Variants in MBNL3 observed in about 807,000 individuals in gnomAD.
The protein encoded by MBNL3 is muscleblind like splicing regulator 3.
Under a neutral mutation model 24.5 loss-of-function variants are expected in MBNL3, and 6 were observed. The ratio of observed to expected loss-of-function variants is 0.25; its 90% CI spans 0.13 to 0.48. The LOEUF (loss-of-function observed/expected upper bound fraction) is 0.48, where lower values mean the gene tolerates loss of function less well. Among genes scored for constraint, MBNL3 ranks in the 20% least tolerant of loss-of-function variants. The probability of loss-of-function intolerance (pLI) is 0.99; values close to 1 mark genes in which losing one functional copy is unlikely to be tolerated. For missense variants in MBNL3, 230 were observed against 293.5 expected (o/e 0.78, Z 1.58); for synonymous variants, 100 against 101.7 (o/e 0.98, Z 0.10).
In MBNL3 at chrX:132,406,213, A is replaced by G. The variant is rs372010239; in HGVS notation, c.342+15T>C. ...GATCTTTATCGGCAATTTTCAAAATATAGCTGCGACTTACAAGTGATGACA... is the reference window on the plus strand; with the variant it reads ...GATCTTTATCGGCAATTTTCAAAATGTAGCTGCGACTTACAAGTGATGACA... On this transcript the variant is annotated intron_variant, in intron 3 of 8. Coordinates refer to ENST00000370853, the MANE Select transcript of MBNL3 (RefSeq NM_001386889.1). The G allele has an allele frequency of 6.6e-6, 8 of 1,208,912 alleles. No individual in the cohort carries two copies. In the African/African-American group the frequency reaches 1.4e-4, roughly 21 times the overall value.
intron 1 of MBNL3, among the ~76,000 whole-genome samples, chrX:132,468,295 C>T: frequency 8.9e-6 from 1 of 112,218 alleles, no homozygotes; most frequent in Middle Eastern, 4.6e-3. Flanking sequence ...CATTATAAAA[C>T]TCTGTGACCA....
intron 1 of MBNL3, among the ~76,000 whole-genome samples, chrX:132,455,575 T>C (rs1946329699): frequency 8.9e-6 from 1 of 111,843 alleles, no homozygotes; most frequent in Non-Finnish European, 1.9e-5. Flanking sequence ...TTGGACAAAA[T>C]ACCTAAAATT....
intron 2 of MBNL3, among the ~76,000 whole-genome samples, chrX:132,409,571 G>A (rs1186218600): frequency 9.0e-6 from 1 of 111,334 alleles, no homozygotes; most frequent in African/African-American, 3.3e-5. Flanking sequence ...AGTCAATGGT[G>A]TCCCAAGCCC....
intron 2 of MBNL3, among the ~76,000 whole-genome samples, chrX:132,424,744 T>G (rs1944143617): frequency 9.1e-6 from 1 of 110,286 alleles, no homozygotes; most frequent in Non-Finnish European, 1.9e-5. Context: ...ACTTCTTTCT[T>G]TCTTCACCCA....
chrX:132,404,784 TA>T (rs1444164124), intron 3 of MBNL3, among the ~76,000 whole-genome samples: 1 of 112,232 alleles, frequency 8.9e-6, no homozygotes, highest in Non-Finnish European at 1.9e-5. Context: ...AGATAGGCTT[TA>T]CTGACAGCTG....
intron 1 of MBNL3, among the ~76,000 whole-genome samples, chrX:132,449,977 G>GGGGC: frequency 3.9e-5 from 1 of 25,468 alleles, no homozygotes; most frequent in East Asian, 1.6e-3. Context: ...GCTGAATATT[G>GGGGC]CCCCCCCCCC....
chrX:132,469,391 T>C (rs1947055639), intron 1 of MBNL3, among the ~76,000 whole-genome samples: 1 of 112,595 alleles, frequency 8.9e-6, no homozygotes, highest in Non-Finnish European at 1.9e-5. Context: ...TGGAAGACAT[T>C]GTGCTAGATG....
chrX:132,432,339 C>A (rs1452334691), intron 2 of MBNL3: 1 of 111,196 alleles, frequency 9.0e-6, no homozygotes, highest in Non-Finnish European at 1.9e-5. Flanking sequence ...AAAACTCACC[C>A]TTTTAAAGTC....
At chrX:132,489,649 G>T (rs1387367797), upstream of MBNL3, among the ~76,000 whole-genome samples, 4 of 111,292 alleles carry the variant, frequency 3.6e-5, no homozygotes, top group South Asian at 3.6e-4. Context: ...GGAGGGAAAC[G>T]GCGCCAGCGA....
At chrX:132,391,539 C>A (rs766455813) in intron 4 of MBNL3, among the ~76,000 whole-genome samples, 5 of 111,727 alleles carry the variant, frequency 4.5e-5, no homozygotes, top group Non-Finnish European at 9.4e-5. Flanking sequence ...TAAGCGGCTG[C>A]AAATGGAGCT....
At chrX:132,444,033 G>A (rs1426022730) in intron 1 of MBNL3, among the ~76,000 whole-genome samples, 1 of 75,936 alleles carries the variant, frequency 1.3e-5, no homozygotes, top group African/African-American at 5.5e-5. Flanking sequence ...ACAATACTGT[G>A]TTACTCTTAT....
At chrX:132,445,081 C>CACTAAAGAGGTCTTCCTTTA (rs1945628845) in intron 1 of MBNL3, among the ~76,000 whole-genome samples, 1 of 111,987 alleles carries the variant, frequency 8.9e-6, no homozygotes, top group African/African-American at 3.2e-5. Flanking sequence ...CTAAACCAAT[C>CACTAAAGAGGTCTTCCTTTA]ACTAAAGAGG....
intron 1 of MBNL3, among the ~76,000 whole-genome samples, chrX:132,482,925 C>T (rs1947815854): frequency 9.0e-6 from 1 of 111,604 alleles, no homozygotes. Context: ...ATTACACAGG[C>T]ATGGTACCCC....
chrX:132,469,414 T>G (rs778239844), intron 1 of MBNL3, among the ~76,000 whole-genome samples: 10 of 112,696 alleles, frequency 8.9e-5, no homozygotes, highest in Non-Finnish European at 1.5e-4. Context: ...GGGAAGGCAA[T>G]GATTTGGTCC....
intron 1 of MBNL3, among the ~76,000 whole-genome samples, chrX:132,476,020 A>G (rs1947420390): frequency 1.8e-5 from 2 of 111,873 alleles, no homozygotes; most frequent in Non-Finnish European, 3.8e-5. Flanking sequence ...CAAAAAGTAT[A>G]AAGTCTCAGA....
At chrX:132,484,984 T>G (rs1947926878) in intron 1 of MBNL3, among the ~76,000 whole-genome samples, 1 of 110,676 alleles carries the variant, frequency 9.0e-6, no homozygotes, top group South Asian at 3.9e-4. Context: ...CCTTTTATTC[T>G]TGCTTCCTCT....
In MBNL3 at chrX:132,475,095, T is replaced by G. The variant is rs755128663; in HGVS notation, c.-704+13756A>C. On this transcript the variant is annotated intron_variant, in intron 1 of 8. Coordinates refer to ENST00000370853, the MANE Select transcript of MBNL3 (RefSeq NM_001386889.1). Reference sequence around the variant, plus strand: ...GGGTGAGGGATTAACTTCCAACATCTTGCCTTGTTATTTTCTCTGCATTCT... The same window carrying G: ...GGGTGAGGGATTAACTTCCAACATCGTGCCTTGTTATTTTCTCTGCATTCT... Among the ~76,000 whole-genome samples, 4 of 112,103 alleles carry G rather than the reference T, an allele frequency of 3.6e-5. No individual in the cohort carries two copies. In the South Asian group the frequency reaches 1.5e-3, roughly 42 times the overall value.
At chrX:132,426,563 C>T (rs1944322351) in intron 2 of MBNL3, among the ~76,000 whole-genome samples, 1 of 111,504 alleles carries the variant, frequency 9.0e-6, no homozygotes, top group African/African-American at 3.3e-5. Flanking sequence ...ACTCCCCAAA[C>T]ATATCACAGT....
chrX:132,393,203 G>C (rs993272883), intron 3 of MBNL3, among the ~76,000 whole-genome samples: 1 of 110,282 alleles, frequency 9.1e-6, no homozygotes, highest in Non-Finnish European at 1.9e-5. Context: ...AGTCATCCTA[G>C]AGGTCCTGTT....
Sources: allele counts gnomAD v4.1 joint callset (sites outside exome capture counted in the v4.1 genomes callset), GRCh38; gene constraint gnomAD v4.1.1; transcripts MANE v1.5; gene names NCBI Gene and HGNC (gene_info 2026-07-23, HGNC 2026-07-21).